DLGAP1: variants seen among roughly 807,000 people sequenced by gnomAD.
DLGAP1 encodes DLG associated protein 1, also known as disks large-associated protein 1.
Under a neutral mutation model 90.8 loss-of-function variants are expected in DLGAP1, and 11 were observed. That is an observed-to-expected ratio of 0.12 (90% CI 0.08 to 0.20). The LOEUF (loss-of-function observed/expected upper bound fraction) is 0.20, where lower values mean the gene tolerates loss of function less well. DLGAP1 is among the 10% of genes least tolerant of loss of function. The probability of loss-of-function intolerance (pLI) is 1.00; values close to 1 mark genes in which losing one functional copy is unlikely to be tolerated. For synonymous variants in DLGAP1, 558 were observed against 540.7 expected (o/e 1.03, Z -0.44); for missense variants, 1,050 against 1,333.8 (o/e 0.79, Z 3.31).
At chr18:4,244,421 C>T (rs2078610034) in intron 1 of DLGAP1, among the ~76,000 whole-genome samples, 1 of 152,114 alleles carries the variant, frequency 6.6e-6, no homozygotes, top group Non-Finnish European at 1.5e-5. Flanking sequence ...TAAATTCACT[C>T]TTGAAAATTA....
intron 5 of DLGAP1, among the ~76,000 whole-genome samples, chr18:3,759,643 A>G (rs541234453): frequency 2.0e-5 from 3 of 152,348 alleles, no homozygotes; most frequent in African/African-American, 4.8e-5. Flanking sequence ...CATGGAGGAC[A>G]TGTGATTCCT....
intron 7 of DLGAP1, among the ~76,000 whole-genome samples, chr18:3,629,528 C>G (rs551514168): frequency 6.6e-6 from 1 of 151,768 alleles, no homozygotes; most frequent in African/African-American, 2.4e-5. Context: ...AAAAATTAGC[C>G]GGGCGTGTTG....
rs80193443 is a variant in DLGAP1, at chr18:4,358,301, G to T, written c.-267+96705C>A. ...TGACTGAAAGATTTCTTTGAAATTG[G>T]GTGATCATGTTATTACGCTGTGGTG... On this transcript the variant is annotated intron_variant, in intron 1 of 12. Transcript: ENST00000315677. Among the ~76,000 whole-genome samples, 614 of 152,284 alleles carry T rather than the reference G, an allele frequency of 4.0e-3. 8 individuals are homozygous for T. The highest frequency in any genetic ancestry group is 0.014 in the African/African-American group (594 of 41,538).
intron 5 of DLGAP1, among the ~76,000 whole-genome samples, chr18:3,762,272 A>G (rs1368082281): frequency 1.3e-5 from 2 of 152,244 alleles, no homozygotes; most frequent in Non-Finnish European, 2.9e-5. Context: ...GACTGTTGAC[A>G]ACAGTATCAG....
In DLGAP1 at chr18:3,856,667, C is replaced by A. The variant is rs576180891; in HGVS notation, c.957+22445G>T. 9.9e-5 allele frequency among the ~76,000 whole-genome samples: 15 copies of A among 152,248 alleles called. No homozygotes were observed. In the South Asian group the frequency reaches 3.1e-3, roughly 32 times the overall value. On this transcript the variant is annotated intron_variant, in intron 4 of 12. Transcript: ENST00000315677. ...ACGAGGTCAGGAGATCGAGACCATCCTGGCTAACACAGTGAAACCCCGTCT... is the reference window on the plus strand; with the variant it reads ...ACGAGGTCAGGAGATCGAGACCATCATGGCTAACACAGTGAAACCCCGTCT...
At chr18:3,989,916 AT>A in intron 3 of DLGAP1, among the ~76,000 whole-genome samples, 1 of 152,346 alleles carries the variant, frequency 6.6e-6, no homozygotes, top group Non-Finnish European at 1.5e-5. Flanking sequence ...AGAAATGCAA[AT>A]CAAAACCACA....
At chr18:3,751,550 C>G (rs957224443) in intron 5 of DLGAP1, among the ~76,000 whole-genome samples, 1 of 150,320 alleles carries the variant, frequency 6.7e-6, no homozygotes, top group African/African-American at 2.5e-5. Flanking sequence ...CTCCTGTGAC[C>G]CGACAAAATT....
intron 1 of DLGAP1, among the ~76,000 whole-genome samples, chr18:4,199,130 G>A (rs147179370): frequency 3.2e-4 from 49 of 152,302 alleles, no homozygotes; most frequent in East Asian, 1.5e-3. Flanking sequence ...GGAAAAGAGC[G>A]GAACATCAGC....
chr18:4,320,284 A>G (rs1284641087), intron 1 of DLGAP1, among the ~76,000 whole-genome samples: 2 of 152,178 alleles, frequency 1.3e-5, no homozygotes, highest in African/African-American at 4.8e-5. Context: ...AATATGGAAA[A>G]AGATGCCCAT....
chr18:3,853,569 G>A (rs1036041984), intron 4 of DLGAP1, among the ~76,000 whole-genome samples: 2 of 151,646 alleles, frequency 1.3e-5, no homozygotes, highest in Admixed American at 6.6e-5. Flanking sequence ...TATCTAGGAT[G>A]TGTCAGTAAA....
chr18:3,725,990 G>C (rs1670154672), intron 7 of DLGAP1, among the ~76,000 whole-genome samples: 1 of 152,214 alleles, frequency 6.6e-6, no homozygotes, highest in Non-Finnish European at 1.5e-5. Flanking sequence ...TGCTGAAAAT[G>C]TGAGCAATTA....
At chr18:3,940,000 T>C (rs2072734492) in intron 3 of DLGAP1, among the ~76,000 whole-genome samples, 1 of 152,208 alleles carries the variant, frequency 6.6e-6, no homozygotes, top group Non-Finnish European at 1.5e-5. Context: ...TGAATAGGGC[T>C]GACCTGCAAA....
At chr18:4,101,413 CATCAAAGATCACTG>C (rs1357650118) in intron 2 of DLGAP1, among the ~76,000 whole-genome samples, 5 of 152,100 alleles carry the variant, frequency 3.3e-5, no homozygotes, top group Non-Finnish European at 5.9e-5. Context: ...ATAATAGTAG[CATCAAAGATCACTG>C]ATCAAAGATC....
chr18:3,931,841 CAGTAAGGA>C (rs1321879184), intron 3 of DLGAP1, among the ~76,000 whole-genome samples: 1 of 152,138 alleles, frequency 6.6e-6, no homozygotes, highest in African/African-American at 2.4e-5. Flanking sequence ...ATATAGCACC[CAGTAAGGA>C]ATTTGGGAGT....
intron 2 of DLGAP1, among the ~76,000 whole-genome samples, chr18:4,057,741 T>C (rs528278322): frequency 2.0e-5 from 3 of 152,362 alleles, no homozygotes; most frequent in Non-Finnish European, 2.9e-5. Flanking sequence ...GAATCAAGTA[T>C]GCTTCAGACC....
intron 1 of DLGAP1, among the ~76,000 whole-genome samples, chr18:4,443,709 GT>G (rs1344143875): frequency 6.6e-6 from 1 of 152,170 alleles, no homozygotes; most frequent in Non-Finnish European, 1.5e-5. Context: ...TTAAGTGTGT[GT>G]TTATCAGCTC....
intron 7 of DLGAP1, among the ~76,000 whole-genome samples, chr18:3,612,575 G>A (rs901011569): frequency 2.0e-5 from 3 of 152,190 alleles, no homozygotes; most frequent in Admixed American, 1.3e-4. Context: ...TTAGTGCCAG[G>A]CGGGTGGTGT....
At chr18:3,527,098 T>C (rs1454542418) in intron 10 of DLGAP1, among the ~76,000 whole-genome samples, 1 of 152,182 alleles carries the variant, frequency 6.6e-6, no homozygotes, top group African/African-American at 2.4e-5. Flanking sequence ...CCAAAGAATG[T>C]ATAGTTACAC....
intron 1 of DLGAP1, among the ~76,000 whole-genome samples, chr18:4,223,825 C>A (rs567115800): frequency 4.6e-5 from 7 of 152,072 alleles, no homozygotes; most frequent in Admixed American, 4.6e-4. Context: ...GAGAAGTAGT[C>A]CAAAGAGCAT....
Sources: allele counts gnomAD v4.1 joint callset (sites outside exome capture counted in the v4.1 genomes callset), GRCh38; gene constraint gnomAD v4.1.1; transcripts MANE v1.5; gene names NCBI Gene and HGNC (gene_info 2026-07-23, HGNC 2026-07-21).